IL1RAPL1: variants seen among roughly 807,000 people sequenced by gnomAD.
IL1RAPL1 encodes interleukin 1 receptor accessory protein like 1, also known as interleukin-1 receptor accessory protein-like 1.
IL1RAPL1 carries 3 observed loss-of-function variants against 48.4 expected under a neutral mutation model. The observed-to-expected ratio is 0.06, with a 90% confidence interval of 0.03 to 0.16. The LOEUF (loss-of-function observed/expected upper bound fraction) is 0.16. Among genes scored for constraint, IL1RAPL1 ranks in the 10% least tolerant of loss-of-function variants. IL1RAPL1 has a pLI of 1.00. For missense variants in IL1RAPL1, 349 were observed against 530.6 expected, an observed-to-expected ratio of 0.66 and a Z score of 3.36; for synonymous variants, 185 against 187.7, an observed-to-expected ratio of 0.99 and a Z score of 0.12.
intron 2 of IL1RAPL1, among the ~76,000 whole-genome samples, chrX:28,959,905 T>C (rs914662175): frequency 3.6e-5 from 4 of 112,213 alleles, no homozygotes; most frequent in African/African-American, 1.3e-4. Flanking sequence ...TCTACATTTA[T>C]TTAATAAATG....
chrX:29,802,999 A>G lies in IL1RAPL1; in HGVS notation c.779-114465A>G, dbSNP rs867598524. 1.3e-3 allele frequency among the ~76,000 whole-genome samples: 75 copies of G among 55,980 alleles called. 5 individuals carry two copies. Among genetic ancestry groups the G allele is most frequent in the African/African-American group, 5.3e-3 (61 of 11,489 alleles). The allele number at this position is 55,980 out of a possible 115,157, so 48.6% of individuals were successfully genotyped here. A position where few individuals can be genotyped will look rare whatever the true frequency, so the allele number is the denominator to read the frequency against. On this transcript the variant is annotated intron_variant, in intron 6 of 10. Transcript: ENST00000378993. The stretch of plus-strand genomic sequence containing the variant: ...TACATACATGTGTACATATATATGT[A>G]TGCATATATACATATGTGTACATAT...
At chrX:29,029,815 A>G (rs775504179) in intron 2 of IL1RAPL1, among the ~76,000 whole-genome samples, 1 of 111,884 alleles carries the variant, frequency 8.9e-6, no homozygotes, top group Non-Finnish European at 1.9e-5. Context: ...GTCATCACCT[A>G]ACCTAAGGTC....
intron 3 of IL1RAPL1, among the ~76,000 whole-genome samples, chrX:29,352,377 G>T (rs1243846737): frequency 1.8e-5 from 2 of 111,566 alleles, no homozygotes; most frequent in African/African-American, 6.5e-5. Context: ...ATTAGCCTTG[G>T]CAGGTGCCTA....
chrX:29,779,060 C>A (rs1929274079), intron 6 of IL1RAPL1, among the ~76,000 whole-genome samples: 1 of 111,330 alleles, frequency 9.0e-6, no homozygotes, highest in Admixed American at 9.6e-5. Context: ...ATATATGGAC[C>A]ACACTTTGAG....
chrX:29,384,089 T>TA (rs768567555), intron 3 of IL1RAPL1, among the ~76,000 whole-genome samples: 1 of 112,363 alleles, frequency 8.9e-6, no homozygotes, highest in African/African-American at 3.2e-5. Context: ...ATTAAACACT[T>TA]AGACTATTTG....
At chrX:29,603,220 T>C (rs1400344327) in intron 5 of IL1RAPL1, among the ~76,000 whole-genome samples, 1 of 104,127 alleles carries the variant, frequency 9.6e-6, no homozygotes, top group Non-Finnish European at 2.0e-5. Flanking sequence ...GATCCAAGAC[T>C]GCGCCATTGC....
At chrX:29,310,137 A>G (rs1374948999) in intron 3 of IL1RAPL1, among the ~76,000 whole-genome samples, 1 of 75,933 alleles carries the variant, frequency 1.3e-5, no homozygotes, top group Non-Finnish European at 2.3e-5. Flanking sequence ...AAAGAAAGGA[A>G]AAAAAAAAAA....
At chrX:29,145,571 A>C (rs770329598) in intron 2 of IL1RAPL1, among the ~76,000 whole-genome samples, 2 of 111,328 alleles carry the variant, frequency 1.8e-5, no homozygotes, top group Non-Finnish European at 3.8e-5. Context: ...TTTAAATACC[A>C]TTTGTCTTCT....
intron 2 of IL1RAPL1, among the ~76,000 whole-genome samples, chrX:28,833,416 G>A (rs1921121526): frequency 1.8e-5 from 2 of 111,561 alleles, no homozygotes; most frequent in African/African-American, 3.3e-5. Flanking sequence ...TTCCACAGTG[G>A]CTGAGCTAAT....
chrX:29,725,776 A>C (rs1601796914), intron 6 of IL1RAPL1, among the ~76,000 whole-genome samples: 1 of 112,347 alleles, frequency 8.9e-6, no homozygotes, highest in Non-Finnish European at 1.9e-5. Flanking sequence ...ACTGTCAAAA[A>C]ATTTATATGG....
intron 5 of IL1RAPL1, among the ~76,000 whole-genome samples, chrX:29,496,724 A>G (rs1319260583): frequency 9.0e-6 from 1 of 111,490 alleles, no homozygotes; most frequent in Non-Finnish European, 1.9e-5. Context: ...TTATTATTTT[A>G]GTGCAGATGT....
chrX:29,619,549 G>T (rs1924395112), intron 5 of IL1RAPL1, among the ~76,000 whole-genome samples: 1 of 111,523 alleles, frequency 9.0e-6, no homozygotes, highest in Non-Finnish European at 1.9e-5. Flanking sequence ...TTTTTTGAGT[G>T]CCAAAGACAT....
chrX:28,772,701 C>A (rs930447895), intron 1 of IL1RAPL1, among the ~76,000 whole-genome samples: 9 of 112,001 alleles, frequency 8.0e-5, no homozygotes, highest in African/African-American at 2.9e-4. Context: ...ACTACTTGAA[C>A]CAAGTTAGCT....
chrX:29,580,632 G>C (rs192370784), intron 5 of IL1RAPL1, among the ~76,000 whole-genome samples: 614 of 111,505 alleles, frequency 5.5e-3, no homozygotes, highest in Non-Finnish European at 8.2e-3. Context: ...AGCTGAGTTA[G>C]ACTCTAAGAT....
chrX:29,307,519 C>A (rs753052585), intron 3 of IL1RAPL1, among the ~76,000 whole-genome samples: 8 of 111,356 alleles, frequency 7.2e-5, no homozygotes, highest in African/African-American at 2.6e-4. Context: ...AAAGAAGCTA[C>A]AGGAAGTGTG....
intron 2 of IL1RAPL1, among the ~76,000 whole-genome samples, chrX:28,938,087 A>G (rs749000597): frequency 1.3e-3 from 148 of 111,751 alleles, no homozygotes; most frequent in African/African-American, 4.6e-3. Context: ...AAATGGCAAT[A>G]CTATCCAAAG....
Position 29,344,664 on chromosome X carries a change from G to C in IL1RAPL1, c.363-51594G>C, listed in dbSNP as rs751588527. Among the ~76,000 whole-genome samples, 33 of 111,451 alleles carry C rather than the reference G, an allele frequency of 3.0e-4. No individual in the cohort carries two copies. The South Asian group carries it at 0.012, about 41-fold the overall frequency. The stretch of plus-strand genomic sequence containing the variant: ...TTTGTTTTTGTTTTTTTGAAACAGA[G>C]TCTCGCTCTGTCACCCAGGCTGAAG... On this transcript the variant is annotated intron_variant, in intron 3 of 10. Transcript: ENST00000378993.
At chrX:29,717,508 A>T (rs1927517734) in intron 6 of IL1RAPL1, among the ~76,000 whole-genome samples, 1 of 112,409 alleles carries the variant, frequency 8.9e-6, no homozygotes, top group African/African-American at 3.2e-5. Context: ...CTGAAGAAAG[A>T]ATAATTCTGC....
intron 6 of IL1RAPL1, among the ~76,000 whole-genome samples, chrX:29,673,345 G>A (rs770406660): frequency 2.1e-4 from 23 of 111,831 alleles, no homozygotes; most frequent in African/African-American, 7.5e-4. Context: ...TTGTTTTGCT[G>A]AGTTGTACAA....
Sources: gnomAD v4.1 joint callset for allele counts (sites outside exome capture counted in the v4.1 genomes callset) on GRCh38, gnomAD v4.1.1 for gene constraint, MANE v1.5 for transcripts, NCBI Gene and HGNC (gene_info 2026-07-23, HGNC 2026-07-21) for gene names.